TRMT9B: variants seen among roughly 807,000 people sequenced by gnomAD.
TRMT9B encodes the protein tRNA methyltransferase 9B (putative), also known as probable tRNA methyltransferase 9B.
TRMT9B carries 16 observed loss-of-function variants against 11.5 expected under a neutral mutation model. The observed-to-expected ratio is 1.39, with a 90% confidence interval of 0.94 to 2.11. TRMT9B has a LOEUF of 2.11. Among genes scored for constraint, TRMT9B ranks in the 30% most tolerant of loss-of-function variants. TRMT9B has a pLI of 0.00. For synonymous variants in TRMT9B, 274 were observed against 192.4 expected, an observed-to-expected ratio of 1.42 and a Z score of -3.51; for missense variants, 941 against 553.8, an observed-to-expected ratio of 1.70 and a Z score of -7.02.
chr8:13,010,433 C>T (rs1482767413), intron 3 of TRMT9B: 1 of 985,018 alleles, frequency 1.0e-6, no homozygotes, highest in Non-Finnish European at 1.2e-6. Context: ...GTTTCTGTTG[C>T]TAGGTTTTTC....
At chr8:13,013,368 A>G (rs1812014727) in intron 4 of TRMT9B, among the ~76,000 whole-genome samples, 1 of 152,166 alleles carries the variant, frequency 6.6e-6, no homozygotes, top group Non-Finnish European at 1.5e-5. Context: ...CATTGTTTTT[A>G]TAATGCCACT....
chr8:12,950,598 T>C (rs1381794000), intron 1 of TRMT9B, among the ~76,000 whole-genome samples: 1 of 151,504 alleles, frequency 6.6e-6, no homozygotes, highest in African/African-American at 2.4e-5. Flanking sequence ...AAAGAAAATG[T>C]CAGTCTGATT....
chr8:12,957,003 G>C (rs953149064), intron 1 of TRMT9B, among the ~76,000 whole-genome samples: 10 of 152,218 alleles, frequency 6.6e-5, no homozygotes, highest in African/African-American at 2.2e-4. Flanking sequence ...ATTTGGAGTT[G>C]GAAAATGAGA....
intron 3 of TRMT9B, chr8:13,010,628 A>C (rs1270318148): frequency 2.0e-6 from 2 of 985,190 alleles, no homozygotes; most frequent in Non-Finnish European, 2.4e-6. Flanking sequence ...TTTCCTTCTT[A>C]TTACAAAATG....
chr8:12,984,298 T>C (rs762004997), intron 1 of TRMT9B, among the ~76,000 whole-genome samples: 6 of 152,208 alleles, frequency 3.9e-5, no homozygotes, highest in Non-Finnish European at 8.8e-5. Context: ...TCCCAAGCAC[T>C]TTGGTTAAGG....
chr8:12,957,038 T>C (rs928472168), intron 1 of TRMT9B, among the ~76,000 whole-genome samples: 1 of 152,206 alleles, frequency 6.6e-6, no homozygotes, highest in Non-Finnish European at 1.5e-5. Flanking sequence ...AGGGAGTGGA[T>C]AACAATAAGG....
At chr8:13,007,156 T>C (rs1810631824) in intron 3 of TRMT9B, 1 of 152,268 alleles carries the variant, frequency 6.6e-6, no homozygotes, top group Non-Finnish European at 1.5e-5. Flanking sequence ...GTGGCTCACA[T>C]GCCTTCTATA....
At chr8:12,946,407 G>C (rs888353972) in intron 1 of TRMT9B, among the ~76,000 whole-genome samples, 4 of 152,194 alleles carry the variant, frequency 2.6e-5, no homozygotes, top group Non-Finnish European at 4.4e-5. Flanking sequence ...AAAATTGTCA[G>C]ACGGTGGTCA....
intron 1 of TRMT9B, among the ~76,000 whole-genome samples, chr8:12,964,286 A>G (rs969803108): frequency 2.0e-5 from 3 of 152,206 alleles, no homozygotes; most frequent in African/African-American, 7.2e-5. Context: ...ACACATCCTC[A>G]TCTTTCTTGG....
chr8:12,988,622 A>G (rs1048085434), intron 1 of TRMT9B, among the ~76,000 whole-genome samples: 1 of 152,306 alleles, frequency 6.6e-6, no homozygotes, highest in East Asian at 1.9e-4. Flanking sequence ...AAATTCCCTT[A>G]TAAAACCATC....
intron 2 of TRMT9B, among the ~76,000 whole-genome samples, chr8:12,998,867 C>A (rs1475187686): frequency 2.6e-5 from 4 of 152,190 alleles, no homozygotes; most frequent in African/African-American, 9.7e-5. Context: ...GCTGGAAAAA[C>A]TTGGGAAAAA....
In TRMT9B at chr8:13,022,795, T is replaced by G. The variant is rs1240995550; in HGVS notation, c.*751T>G. ...TCACTTGAACCCAGGAGTTCAAGAA[T>G]AGCCTGGGCAACATAGCAAGACCCC... On this transcript the variant is annotated 3_prime_UTR_variant, in exon 5 of 5. Coordinates refer to ENST00000524591, the MANE Select transcript of TRMT9B (RefSeq NM_020844.3). 6.0e-6 allele frequency: 1 copy of G among 165,784 alleles called. No homozygotes were observed. Among genetic ancestry groups the G allele is most frequent in the Non-Finnish European group, 1.5e-5 (1 of 68,208 alleles). The allele number at this position is 165,784 out of a possible 1,614,324, so 10.3% of individuals were successfully genotyped here. A position where few individuals can be genotyped will look rare whatever the true frequency, so the allele number is the denominator to read the frequency against.
rs1428330731 is a variant in TRMT9B, at chr8:12,981,513, G to C, written c.-199-9321G>C. On this transcript the variant is annotated intron_variant, in intron 1 of 4. Transcript: ENST00000524591. Reference sequence around the variant, plus strand: ...ACGGCACGGAGCATTGGAGATTGGAGACCATTATATTATCTGTTTCCCCAA... The same window carrying C: ...ACGGCACGGAGCATTGGAGATTGGACACCATTATATTATCTGTTTCCCCAA... Among the ~76,000 whole-genome samples, 4 of 152,152 alleles carry C rather than the reference G, an allele frequency of 2.6e-5. No homozygotes were observed. The East Asian group carries it at 7.7e-4, about 29-fold the overall frequency.
At chr8:12,971,458 G>T (rs767435208) in intron 1 of TRMT9B, among the ~76,000 whole-genome samples, 4 of 152,110 alleles carry the variant, frequency 2.6e-5, no homozygotes, top group Non-Finnish European at 5.9e-5. Flanking sequence ...TCTTTGTGAG[G>T]TTTAACATAT....
chr8:12,965,120 G>A (rs1802642635), intron 1 of TRMT9B, among the ~76,000 whole-genome samples: 1 of 152,204 alleles, frequency 6.6e-6, no homozygotes, highest in Non-Finnish European at 1.5e-5. Context: ...CTGCAAATGA[G>A]GCCATTCTTT....
intron 4 of TRMT9B, among the ~76,000 whole-genome samples, chr8:13,016,912 G>T (rs1198546208): frequency 1.3e-5 from 2 of 150,556 alleles, no homozygotes; most frequent in Non-Finnish European, 3.0e-5. Context: ...GGATCACAAG[G>T]TCAGGAGTTT....
At chr8:13,010,706 C>T (rs977583082) in intron 3 of TRMT9B, 2 of 984,884 alleles carry the variant, frequency 2.0e-6, no homozygotes, top group Non-Finnish European at 2.4e-6. Flanking sequence ...ATTGAAGTAA[C>T]TTTCCCTTTC....
In TRMT9B at chr8:13,006,293, G is replaced by A; in HGVS notation, c.91G>A (p.Ala31Thr). Residue 31 changes from alanine to threonine, a missense_variant, in exon 3 of 5, where the codon GCC becomes ACC. Ala to Thr is a moderately conservative substitution (Grantham distance 58). Transcript: ENST00000524591. ...APYFSDLQSK[A>T]WPRVRQFLQE... is the part of the protein sequence containing the mutation. ...TTACTTCAGCGACCTGCAGAGCAAA[G>A]CCTGGCCTCGTGTCCGCCAGTTCCT... 6.2e-7 allele frequency: 1 copy of A among 1,613,954 alleles called. No individual in the cohort carries two copies. Among genetic ancestry groups the A allele is most frequent in the Non-Finnish European group, 8.5e-7 (1 of 1,179,892 alleles).
chr8:12,965,759 T>C (rs1388927239), intron 1 of TRMT9B, among the ~76,000 whole-genome samples: 1 of 152,042 alleles, frequency 6.6e-6, no homozygotes, highest in East Asian at 1.9e-4. Context: ...ACGCCTGTAA[T>C]CCCAGCATGT....
Sources: allele counts gnomAD v4.1 joint callset (sites outside exome capture counted in the v4.1 genomes callset), GRCh38; gene constraint gnomAD v4.1.1; transcripts MANE v1.5; gene names NCBI Gene and HGNC (gene_info 2026-07-23, HGNC 2026-07-21).